The following FHIT variants were observed in gnomAD, a reference collection of about 807,000 sequenced individuals.
FHIT encodes fragile histidine triad diadenosine triphosphatase, also known as bis(5'-adenosyl)-triphosphatase.
In FHIT, 19 loss-of-function variants were observed where a neutral mutation model predicts 17.9. The ratio of observed to expected loss-of-function variants is 1.06; its 90% confidence interval spans 0.74 to 1.56. The LOEUF (loss-of-function observed/expected upper bound fraction) is 1.56, where lower values mean the gene tolerates loss of function less well. Ranked by LOEUF, FHIT falls within the 40% of genes most tolerant of loss-of-function variation. FHIT has a pLI of 0.00. For synonymous variants in FHIT, 81 were observed against 69.7 expected, an observed-to-expected ratio of 1.16 and a Z score of -0.81; for missense variants, 248 against 189.2, an observed-to-expected ratio of 1.31 and a Z score of -1.82.
At chr3:60,439,642 C>T (rs1343099826) in intron 5 of FHIT, among the ~76,000 whole-genome samples, 1 of 152,076 alleles carries the variant, frequency 6.6e-6, no homozygotes, top group East Asian at 1.9e-4. Flanking sequence ...ACCAGAACAG[C>T]AGCCTGGGAA....
intron 8 of FHIT, among the ~76,000 whole-genome samples, chr3:59,830,027 G>C (rs1014454901): frequency 2.0e-5 from 3 of 152,086 alleles, no homozygotes; most frequent in African/African-American, 7.2e-5. Context: ...AGTGAGCCAT[G>C]ATCACACCAC....
chr3:60,305,405 C>G (rs1708626051), intron 5 of FHIT, among the ~76,000 whole-genome samples: 1 of 152,104 alleles, frequency 6.6e-6, no homozygotes. Context: ...AATATACTTC[C>G]AGAGATTCTC....
intron 8 of FHIT, among the ~76,000 whole-genome samples, chr3:59,854,726 C>T (rs186965148): frequency 6.6e-4 from 100 of 152,216 alleles, no homozygotes; most frequent in African/African-American, 1.8e-3. Context: ...GGATTTGAAC[C>T]GAGGTCCAGG....
intron 5 of FHIT, among the ~76,000 whole-genome samples, chr3:60,453,374 G>T (rs1243069650): frequency 6.6e-6 from 1 of 152,050 alleles, no homozygotes; most frequent in Non-Finnish European, 1.5e-5. Context: ...TAAAGGCGAG[G>T]TAACAGTTTT....
intron 2 of FHIT, among the ~76,000 whole-genome samples, chr3:61,190,777 T>A (rs2038689042): frequency 6.6e-6 from 1 of 152,138 alleles, no homozygotes; most frequent in African/African-American, 2.4e-5. Context: ...TCATGTCCTT[T>A]GTAGGGACAT....
intron 1 of FHIT, among the ~76,000 whole-genome samples, chr3:61,214,959 T>C (rs1356093387): frequency 6.6e-6 from 1 of 151,158 alleles, no homozygotes; most frequent in African/African-American, 2.4e-5. Context: ...ATTCAACAAC[T>C]CTTCATGCTA....
chr3:60,453,732 CA>C (rs1314049220), intron 5 of FHIT, among the ~76,000 whole-genome samples: 1 of 152,138 alleles, frequency 6.6e-6, no homozygotes, highest in East Asian at 1.9e-4. Flanking sequence ...GATGACGATG[CA>C]AATCTGGCAC....
intron 2 of FHIT, among the ~76,000 whole-genome samples, chr3:61,076,797 T>C (rs1051679075): frequency 2.0e-5 from 3 of 152,196 alleles, no homozygotes; most frequent in African/African-American, 7.2e-5. Context: ...TGCAACAATG[T>C]GACTCCAAAA....
chr3:61,075,773 C>T (rs542517960), intron 2 of FHIT, among the ~76,000 whole-genome samples: 1 of 152,198 alleles, frequency 6.6e-6, no homozygotes, highest in South Asian at 2.1e-4. Flanking sequence ...TATTCGTTCA[C>T]TGCCTTCTAT....
intron 4 of FHIT, among the ~76,000 whole-genome samples, chr3:60,599,684 T>A (rs1416695312): frequency 2.1e-5 from 3 of 143,976 alleles, no homozygotes; most frequent in African/African-American, 5.1e-5. Context: ...AAGGACAAGT[T>A]AAAAAAAAAA....
intron 8 of FHIT, among the ~76,000 whole-genome samples, chr3:59,823,849 G>A (rs1700883144): frequency 6.6e-6 from 1 of 152,160 alleles, no homozygotes; most frequent in Non-Finnish European, 1.5e-5. Context: ...CCTAGCCAGA[G>A]TAATCAGACA....
At chr3:60,563,143 A>C (rs1227284818) in intron 4 of FHIT, among the ~76,000 whole-genome samples, 1 of 152,192 alleles carries the variant, frequency 6.6e-6, no homozygotes, top group Admixed American at 6.5e-5. Context: ...AGCATGGAGA[A>C]ACCACACAGT....
At chr3:60,198,512 G>C (rs545618400) in intron 5 of FHIT, among the ~76,000 whole-genome samples, 18 of 151,426 alleles carry the variant, frequency 1.2e-4, no homozygotes, top group East Asian at 1.2e-3. Flanking sequence ...TCCCAGGTGA[G>C]ATATGCAAGA....
At chr3:60,549,426 A>G (rs1280123123) in intron 4 of FHIT, among the ~76,000 whole-genome samples, 2 of 152,300 alleles carry the variant, frequency 1.3e-5, no homozygotes, top group Admixed American at 6.5e-5. Flanking sequence ...ATACACCAAC[A>G]TATCAACATT....
At chr3:60,635,612 C>T (rs1391394308) in intron 4 of FHIT, among the ~76,000 whole-genome samples, 1 of 152,184 alleles carries the variant, frequency 6.6e-6, no homozygotes, top group African/African-American at 2.4e-5. Flanking sequence ...GTTGTAGATA[C>T]TCCATAAATA....
chr3:60,824,939 G>A (rs1473708001), intron 3 of FHIT, among the ~76,000 whole-genome samples: 1 of 152,118 alleles, frequency 6.6e-6, no homozygotes. Flanking sequence ...TTTATCAGCA[G>A]CATGAAAACT....
rs373720256 is a variant in FHIT at position 60,735,340 on chromosome 3, T to C, written c.-18+86579A>G. On this transcript the variant is annotated intron_variant, in intron 4 of 9. Coordinates refer to ENST00000492590, the MANE Select transcript of FHIT (RefSeq NM_002012.4). ...TCCTCTGGGGAATCCCCTTCTCCAG[T>C]TCTGACTCCAGATGGTGTAGATGGA... Among the ~76,000 whole-genome samples the C allele has an allele frequency of 2.4e-4, 37 of 152,318 alleles. No individual in the cohort carries two copies. The South Asian group carries it at 6.2e-3, about 26-fold the overall frequency.
intron 3 of FHIT, among the ~76,000 whole-genome samples, chr3:60,929,260 G>C (rs1241628124): frequency 1.3e-5 from 2 of 152,120 alleles, no homozygotes; most frequent in African/African-American, 4.8e-5. Flanking sequence ...ATATCATACT[G>C]AATGGGCAAA....
At chr3:61,174,821 T>C (rs2038109291) in intron 2 of FHIT, among the ~76,000 whole-genome samples, 1 of 152,228 alleles carries the variant, frequency 6.6e-6, no homozygotes. Flanking sequence ...TGCAATTCTA[T>C]ACAATACATA....
Sources: allele counts gnomAD v4.1 joint callset (sites outside exome capture counted in the v4.1 genomes callset), GRCh38; gene constraint gnomAD v4.1.1; transcripts MANE v1.5; gene names NCBI Gene and HGNC (gene_info 2026-07-23, HGNC 2026-07-21).